Variants in DYNLRB2 observed in about 807,000 individuals in gnomAD.
DYNLRB2 encodes the protein bithoraxoid-like protein.
In DYNLRB2, 14 loss-of-function variants were observed where a neutral mutation model predicts 12.6. The observed-to-expected ratio is 1.11, with a 90% CI of 0.73 to 1.73. The LOEUF (loss-of-function observed/expected upper bound fraction) is 1.73, where lower values mean the gene tolerates loss of function less well. Ranked by LOEUF, DYNLRB2 falls within the 40% of genes most tolerant of loss-of-function variation. The probability of loss-of-function intolerance (pLI) is 0.00; values close to 1 mark genes in which losing one functional copy is unlikely to be tolerated. For synonymous variants in DYNLRB2, 53 were observed against 37.0 expected (o/e 1.43, Z -1.57); for missense variants, 142 against 117.7 (o/e 1.21, Z -0.95).
At position 80,549,594 on chromosome 16, in the gene DYNLRB2, A is replaced by C. The variant is rs768719550; in HGVS notation, c.190A>C (p.Asn64His). The C allele has an allele frequency of 6.2e-7, 1 of 1,612,816 alleles. No homozygotes were observed. Among genetic ancestry groups the C allele is most frequent in the South Asian group, 1.1e-5 (1 of 90,920 alleles). Residue 64 changes from asparagine (N) to histidine (H), a missense_variant, in exon 3 of 4, where the codon AAC becomes CAC. Transcript: ENST00000305904. ...CACAGTTCGTGATATTGATCCTCAG[A>C]ACGACCTGACTTTTCTTAGGATCAG... ...KSTVRDIDPQ[N>H]DLTFLRIRSK...
At chr16:80,540,872 T>G, upstream of DYNLRB2, 2 of 880,396 alleles carry the variant, frequency 2.3e-6, no homozygotes. Context: ...CCTGCTCCCC[T>G]CTTCCGCGAA....
intron 1 of DYNLRB2, among the ~76,000 whole-genome samples, chr16:80,543,031 A>G (rs1904303105): frequency 6.6e-6 from 1 of 152,240 alleles, no homozygotes; most frequent in Non-Finnish European, 1.5e-5. Context: ...GTGAGGCAGT[A>G]AGCTCTCTGT....
At chr16:80,546,600 C>G (rs1015793918) in intron 2 of DYNLRB2, among the ~76,000 whole-genome samples, 11 of 152,126 alleles carry the variant, frequency 7.2e-5, no homozygotes, top group Admixed American at 3.9e-4. Context: ...GCATTGGTTT[C>G]TCATTTATAA....
At chr16:80,540,790 G>A (rs1403854897), upstream of DYNLRB2, 9 of 704,330 alleles carry the variant, frequency 1.3e-5, no homozygotes, top group Non-Finnish European at 1.6e-5. Flanking sequence ...AACACAGGCC[G>A]GGAGCCTGAC....
At chr16:80,549,446 T>A in intron 2 of DYNLRB2, 38 bp from the exon 3 acceptor site, 1 of 1,534,952 alleles carries the variant, frequency 6.5e-7, no homozygotes, top group Non-Finnish European at 8.8e-7. Context: ...ACTTTTCTAA[T>A]CAGAAAAAAT....
chr16:80,544,352 G>T lies in DYNLRB2; in HGVS notation c.79+1001G>T, dbSNP rs535454691. 5.3e-5 allele frequency among the ~76,000 whole-genome samples: 8 copies of T among 152,320 alleles called. No homozygotes were observed. In the South Asian group the frequency reaches 1.2e-3, roughly 24 times the overall value. On this transcript the variant is annotated intron_variant, in intron 2 of 3. Transcript: ENST00000305904. ...TGAGGATTTTTAATTCATTTATACA[G>T]TTAAAACATTTGTTTTATAACCAGC... is the stretch of plus-strand genomic sequence containing the variant.
intron 2 of DYNLRB2, 126 bp downstream of exon 2, chr16:80,543,477 G>A (rs1904308803): frequency 2.3e-6 from 2 of 865,332 alleles, no homozygotes; most frequent in Admixed American, 5.2e-5. Context: ...TTTTAGCTCT[G>A]GCATTCACTT....
chr16:80,545,920 C>T (rs191023860), intron 2 of DYNLRB2, among the ~76,000 whole-genome samples: 6 of 151,832 alleles, frequency 4.0e-5, no homozygotes, highest in African/African-American at 7.2e-5. Context: ...CCACCCACCT[C>T]GGCCTCCCAA....
rs1044944664 is a variant in DYNLRB2, at chr16:80,548,693, G to T, written c.80-791G>T. 2.7e-5 allele frequency among the ~76,000 whole-genome samples: 4 copies of T among 145,712 alleles called. No individual in the cohort carries two copies. The Admixed American group carries it at 2.8e-4, about 10-fold the overall frequency. On this transcript the variant is annotated intron_variant, in intron 2 of 3. Coordinates refer to ENST00000305904, the MANE Select transcript of DYNLRB2 (RefSeq NM_130897.3). ...GCCAAGATCATGCCGTCGCACTCCA[G>T]CCTGGGGGGCCTACAATAGCAAGAC...
In DYNLRB2 at chr16:80,549,536, C is replaced by A; in HGVS notation, c.132C>A (p.Gly44=). 6.2e-7 allele frequency: 1 copy of A among 1,613,372 alleles called. No homozygotes were observed. Residue 44 remains glycine, a synonymous_variant, in exon 3 of 4, where the codon GGC becomes GGA. Coordinates refer to ENST00000305904, the MANE Select transcript of DYNLRB2 (RefSeq NM_130897.3). The stretch of plus-strand genomic sequence containing the variant: ...ACTCAACAACTGTTCAATATGCAGG[C>A]CTTCTTCATCACCTGACAATGAAAG... The part of the protein sequence containing the change: ...LDNSTTVQYA[G]LLHHLTMKAK...
intron 2 of DYNLRB2, among the ~76,000 whole-genome samples, chr16:80,545,585 A>G (rs1217567200): frequency 4.0e-5 from 6 of 151,334 alleles, no homozygotes; most frequent in Non-Finnish European, 7.4e-5. Context: ...AGTGATTTTC[A>G]CTTTATTTTC....
chr16:80,549,614 G>A lies in DYNLRB2; in HGVS notation c.210G>A (p.Arg70=), dbSNP rs143562889. Residue 70 remains arginine (R), a synonymous_variant, in exon 3 of 4, where the codon AGG becomes AGA. Transcript: ENST00000305904. The stretch of plus-strand genomic sequence containing the variant: ...CTCAGAACGACCTGACTTTTCTTAG[G>A]ATCAGATCAAAGAAACATGAAATCA... ...IDPQNDLTFL[R]IRSKKHEIMV... The A allele has an allele frequency of 1.8e-5, 29 of 1,611,506 alleles. No homozygotes were observed. The African/African-American group carries it at 2.3e-4, about 13-fold the overall frequency.
chr16:80,541,796 G>C (rs897176022), intron 1 of DYNLRB2, among the ~76,000 whole-genome samples: 3 of 152,080 alleles, frequency 2.0e-5, no homozygotes, highest in Non-Finnish European at 4.4e-5. Context: ...GATAAATAAG[G>C]ACACAGTGGC....
chr16:80,542,428 G>A (rs1904296324), intron 1 of DYNLRB2, among the ~76,000 whole-genome samples: 1 of 152,098 alleles, frequency 6.6e-6, no homozygotes. Flanking sequence ...AAGTACAAAG[G>A]AAAACTATCT....
At chr16:80,549,936 G>A (rs537260922) in intron 3 of DYNLRB2, among the ~76,000 whole-genome samples, 107 of 152,248 alleles carry the variant, frequency 7.0e-4, no homozygotes, top group African/African-American at 2.6e-3. Context: ...AGCAAACTTA[G>A]CATACAGACT....
At chr16:80,543,423 A>C in intron 2 of DYNLRB2, 72 bp downstream of exon 2, 1 of 1,422,982 alleles carries the variant, frequency 7.0e-7, no homozygotes, top group Admixed American at 2.0e-5. Flanking sequence ...GTTAGTCCTT[A>C]AGACAAACAT....
intron 2 of DYNLRB2, chr16:80,547,768 T>C: frequency 2.2e-6 from 1 of 456,612 alleles, no homozygotes; most frequent in African/African-American, 2.0e-5. Context: ...ATCCACGCTT[T>C]GTGACCTTCA....
chr16:80,540,842 G>A, upstream of DYNLRB2: 1 of 741,690 alleles, frequency 1.3e-6, no homozygotes, highest in Non-Finnish European at 2.4e-6. Flanking sequence ...CTCCAGGATT[G>A]GGCGAACCTC....
chr16:80,542,149 T>G (rs1476116558), intron 1 of DYNLRB2, among the ~76,000 whole-genome samples: 1 of 152,234 alleles, frequency 6.6e-6, no homozygotes, highest in Non-Finnish European at 1.5e-5. Flanking sequence ...AGGCTCTCTC[T>G]TCATTTTGTT....
Sources: gnomAD v4.1 joint callset for allele counts (sites outside exome capture counted in the v4.1 genomes callset) on GRCh38, gnomAD v4.1.1 for gene constraint, MANE v1.5 for transcripts, NCBI Gene and HGNC (gene_info 2026-07-23, HGNC 2026-07-21) for gene names.